The following POPDC2 variants were observed in gnomAD, a reference collection of about 807,000 sequenced individuals.
POPDC2 encodes the protein popeye domain cAMP effector 2, also known as popeye domain-containing protein 2.
Under a neutral mutation model 30.5 loss-of-function variants are expected in POPDC2, and 24 were observed. That is an observed-to-expected ratio of 0.79 (90% confidence interval 0.57 to 1.11). POPDC2 has a LOEUF of 1.11. POPDC2 is among the 50% of genes least tolerant of loss of function. The pLI, the probability that POPDC2 is intolerant of heterozygous loss-of-function variation, is 0.00. For synonymous variants in POPDC2, 185 were observed against 183.3 expected (o/e 1.01, Z -0.07); for missense variants, 409 against 447.0 (o/e 0.91, Z 0.77).
intron 2 of POPDC2, among the ~76,000 whole-genome samples, chr3:119,649,368 T>G (rs1194197016): frequency 6.6e-6 from 1 of 152,216 alleles, no homozygotes; most frequent in Non-Finnish European, 1.5e-5. Context: ...TCTAGGAATT[T>G]CTGAGTACTC....
rs191818322 is a variant in POPDC2 at position 119,657,160 on chromosome 3, G to A, written c.492-2547C>T. 4.1e-3 allele frequency among the ~76,000 whole-genome samples: 627 copies of A among 152,338 alleles called. 4 individuals carry two copies. The highest frequency in any genetic ancestry group is 0.014 in the African/African-American group (600 of 41,572). ...TGAACAAAGACCTGGGAAATCCAGT[G>A]TGGCAGTCTGTTCTCCAGTATCTGC... On this transcript the variant is annotated intron_variant, in intron 1 of 3. Transcript: ENST00000493094.
chr3:119,659,952 A>G lies in POPDC2; in HGVS notation c.472T>C (p.Ser158Pro). Reference sequence around the variant, plus strand: ...GCTTACCGGCCAGAGAGCAGCAGGGACAGGCGGTTGATGGGTGTCTCACCC... The same window carrying G: ...GCTTACCGGCCAGAGAGCAGCAGGGGCAGGCGGTTGATGGGTGTCTCACCC... Reference protein sequence around the residue: ...VEGETPINRLSLLLSGRVRVS... With the variant: ...VEGETPINRLPLLLSGRVRVS... The change falls in exon 1 of 4, where the codon TCC becomes CCC. Residue 158 changes from serine to proline, a missense_variant. By Grantham distance (74) the Ser-to-Pro change is moderately conservative. Transcript: ENST00000493094. 1 of 1,594,738 alleles carries G rather than the reference A, an allele frequency of 6.3e-7. No homozygotes were observed. The highest frequency in any genetic ancestry group is 8.6e-7 in the Non-Finnish European group (1 of 1,165,574).
chr3:119,653,613 G>A (rs1165456173), intron 2 of POPDC2, among the ~76,000 whole-genome samples: 2 of 152,232 alleles, frequency 1.3e-5, no homozygotes, highest in South Asian at 2.1e-4. Flanking sequence ...AAGTAGTTGG[G>A]ACTACAGGTG....
In POPDC2 at chr3:119,660,250, A is replaced by G; in HGVS notation, c.174T>C (p.Ser58=). 1 of 1,614,206 alleles carries G rather than the reference A, an allele frequency of 6.2e-7. No individual in the cohort carries two copies. Among genetic ancestry groups the G allele is most frequent in the Non-Finnish European group, 8.5e-7 (1 of 1,180,034 alleles). The part of the protein sequence containing the change: ...YGCFYLFGFL[S]AGYLCCVLWG... Reference sequence around the variant, plus strand: ...ACAGCACGCAGCACAGGTAACCTGCACTCAGGAAGCCAAAAAGATAGAAGC... The same window carrying G: ...ACAGCACGCAGCACAGGTAACCTGCGCTCAGGAAGCCAAAAAGATAGAAGC... Residue 58 remains serine, a synonymous_variant, in exon 1 of 4, where the codon AGT becomes AGC. Coordinates refer to ENST00000493094, the MANE Select transcript of POPDC2 (RefSeq NM_001369919.2).
chr3:119,659,784 T>A, intron 1 of POPDC2, 149 bp downstream of exon 1: 6 of 1,033,022 alleles, frequency 5.8e-6, no homozygotes, highest in Non-Finnish European at 8.3e-6. Context: ...CTTAGAAAAA[T>A]CTATTTTGGT....
chr3:119,656,234 A>C (rs1421047573), intron 1 of POPDC2, among the ~76,000 whole-genome samples: 3 of 152,152 alleles, frequency 2.0e-5, no homozygotes, highest in Non-Finnish European at 1.5e-5. Context: ...GCACTACCTG[A>C]GGCTTAGGTG....
rs760334669 is a variant in POPDC2, at chr3:119,648,600, CAGA to C, written c.666_668del (p.Leu223del). 4 of 1,614,124 alleles carry C rather than the reference CAGA, an allele frequency of 2.5e-6. No individual in the cohort carries two copies. Among genetic ancestry groups the C allele is most frequent in the African/African-American group, 1.3e-5 (1 of 75,014 alleles). On this transcript the variant is annotated inframe_deletion, in exon 3 of 4. Coordinates refer to ENST00000493094, the MANE Select transcript of POPDC2 (RefSeq NM_001369919.2). The stretch of plus-strand genomic sequence containing the variant: ...GGCAGGAGATGTATCGCTCTTTGGT[CAGA>C]AGAAGATGGAGACTTTTCCGGGGCC...
At chr3:119,660,665 T>TCCC (rs1170255192), upstream of POPDC2, 7 of 132,466 alleles carry the variant, frequency 5.3e-5, no homozygotes, top group East Asian at 1.1e-4. Flanking sequence ...TCCCCCCCTC[T>TCCC]CTCCTCCCCA....
intron 2 of POPDC2, among the ~76,000 whole-genome samples, chr3:119,653,904 T>G (rs1023783438): frequency 6.6e-6 from 1 of 152,152 alleles, no homozygotes. Context: ...GACCAGATTA[T>G]TAGAACAGAC....
chr3:119,660,565 T>C lies in POPDC2; in HGVS notation c.-142A>G. 1.0e-6 allele frequency: 1 copy of C among 971,794 alleles called. No homozygotes were observed. Among genetic ancestry groups the C allele is most frequent in the South Asian group, 1.8e-5 (1 of 56,904 alleles). The allele number at this position is 971,794 out of a possible 1,614,324, so 60.2% of individuals were successfully genotyped here. A position where few individuals can be genotyped will look rare whatever the true frequency, so the allele number is the denominator to read the frequency against. On this transcript the variant is annotated 5_prime_UTR_variant, in exon 1 of 4. Transcript: ENST00000493094. ...CTCCACCTTTCCTAGAAGGAATGCT[T>C]CCGGTGGCTTTGGGAAGGAATGATG... is the stretch of plus-strand genomic sequence containing the variant.
intron 1 of POPDC2, among the ~76,000 whole-genome samples, chr3:119,657,259 A>G (rs1233270820): frequency 6.6e-6 from 1 of 152,194 alleles, no homozygotes; most frequent in Non-Finnish European, 1.5e-5. Context: ...ACATTTCTCT[A>G]CTTCCCTGGC....
chr3:119,655,895 G>A (rs2052874113), intron 1 of POPDC2, among the ~76,000 whole-genome samples: 1 of 152,158 alleles, frequency 6.6e-6, no homozygotes, highest in South Asian at 2.1e-4. Flanking sequence ...TCTAACCGTA[G>A]GTGACAATAA....
intron 3 of POPDC2, among the ~76,000 whole-genome samples, chr3:119,645,749 TCA>T (rs977492715): frequency 2.0e-5 from 3 of 152,096 alleles, no homozygotes; most frequent in Admixed American, 1.3e-4. Context: ...TAGTGAAATA[TCA>T]CAGAGAGTTC....
rs2107815875 is a variant in POPDC2, at chr3:119,648,680, C to T, written c.601-12G>A. ...GCAGTCAGAGTGACCTGAGAGGGGT[C>T]AGAAGCAGACAATAAAAGTTTAAAC... On this transcript the variant is annotated splice_polypyrimidine_tract_variant and intron_variant, in intron 2 of 3. Transcript: ENST00000493094. 6.3e-7 allele frequency: 1 copy of T among 1,594,188 alleles called. No homozygotes were observed. The highest frequency in any genetic ancestry group is 2.2e-5 in the East Asian group (1 of 44,758).
intron 2 of POPDC2, among the ~76,000 whole-genome samples, chr3:119,652,545 A>G (rs1011716744): frequency 1.3e-5 from 2 of 152,208 alleles, no homozygotes; most frequent in African/African-American, 4.8e-5. Flanking sequence ...CTGAGAGGCC[A>G]TGTGAGGTTA....
upstream of POPDC2, chr3:119,660,686 T>C (rs535489583): frequency 3.3e-5 from 2 of 60,782 alleles, no homozygotes; most frequent in South Asian, 3.6e-4. Flanking sequence ...CCACCCCCGC[T>C]GTCTCAGCAA....
Position 119,648,228 on chromosome 3 carries a change from ATCC to A in POPDC2, c.1038_1040del (p.Glu346del). The A allele has an allele frequency of 4.4e-6, 7 of 1,603,412 alleles. No individual in the cohort carries two copies. The highest frequency in any genetic ancestry group is 6.0e-6 in the Non-Finnish European group (7 of 1,174,712). On this transcript the variant is annotated inframe_deletion, in exon 3 of 4. Transcript: ENST00000493094. ...ATTCTGATCCTGACACCTCCTCAAAATCCTCCAGCACCAGACTGGTGGAGTCCT... is the reference window on the plus strand; with the variant it reads ...ATTCTGATCCTGACACCTCCTCAAAATCCAGCACCAGACTGGTGGAGTCCT...
chr3:119,648,289 C>G lies in POPDC2; in HGVS notation c.980G>C (p.Arg327Thr). ...TATGCCACTGTCTGGCCTGGACAACCTGGCCCGGGTAGGAGGTGCAGGAAA... is the reference window on the plus strand; with the variant it reads ...TATGCCACTGTCTGGCCTGGACAACGTGGCCCGGGTAGGAGGTGCAGGAAA... ...TNFPAPPTRA[R>T]LSRPDSGILG... The change falls in exon 3 of 4, where the codon AGG (arginine) becomes ACG (threonine). Residue 327 changes from arginine to threonine, a missense_variant. Physicochemically the swap from Arg to Thr is moderately conservative, Grantham distance 71 (BLOSUM62 -1). Transcript: ENST00000493094. 1 of 1,614,114 alleles carries G rather than the reference C, an allele frequency of 6.2e-7. No individual in the cohort carries two copies. Among genetic ancestry groups the G allele is most frequent in the Non-Finnish European group, 8.5e-7 (1 of 1,180,012 alleles).
At chr3:119,646,349 G>A (rs566762766) in intron 3 of POPDC2, among the ~76,000 whole-genome samples, 1 of 152,286 alleles carries the variant, frequency 6.6e-6, no homozygotes, top group African/African-American at 2.4e-5. Context: ...GCAGCAAACT[G>A]GCCAGGCATG....
Sources: gnomAD v4.1 joint callset for allele counts (sites outside exome capture counted in the v4.1 genomes callset) on GRCh38, gnomAD v4.1.1 for gene constraint, MANE v1.5 for transcripts, NCBI Gene and HGNC (gene_info 2026-07-23, HGNC 2026-07-21) for gene names.